ACOT6: variants seen among roughly 807,000 people sequenced by gnomAD.
The protein encoded by ACOT6 is acyl-CoA thioesterase 6, also known as acyl-coenzyme A thioesterase 6.
Under a neutral mutation model 12.3 loss-of-function variants are expected in ACOT6, and 14 were observed. The ratio of observed to expected loss-of-function variants is 1.14; its 90% CI spans 0.75 to 1.78. The LOEUF (loss-of-function observed/expected upper bound fraction) is 1.78, where lower values mean the gene tolerates loss of function less well. ACOT6 is among the 40% of genes most tolerant of loss of function. ACOT6 has a pLI of 0.00. For synonymous variants in ACOT6, 218 were observed against 231.3 expected (o/e 0.94, Z 0.52); for missense variants, 523 against 551.8 (o/e 0.95, Z 0.52).
intron 1 of ACOT6, among the ~76,000 whole-genome samples, chr14:73,613,351 CTTA>C (rs1460780233): frequency 2.0e-5 from 3 of 152,078 alleles, no homozygotes; most frequent in Admixed American, 6.6e-5. Flanking sequence ...GTGCATTCAA[CTTA>C]TTATATATTT....
chr14:73,616,976 G>C lies in ACOT6; in HGVS notation c.462-18G>C, dbSNP rs556862722. 1.2e-5 allele frequency: 8 copies of C among 652,298 alleles called. No individual in the cohort carries two copies. The highest frequency in any genetic ancestry group is 1.9e-5 in the Non-Finnish European group (7 of 365,908). The allele number at this position is 652,298 out of a possible 1,614,324, so 40.4% of individuals were successfully genotyped here. On this transcript the variant is annotated intron_variant, in intron 1 of 2. Coordinates refer to ENST00000645972, the MANE Select transcript of ACOT6 (RefSeq NM_001365788.1). ...GAGAAACTAAAGCTCCCTGTGATTTGTGATGTTCTCCAGGCAGGGGGCCCT... is the reference window on the plus strand; with the variant it reads ...GAGAAACTAAAGCTCCCTGTGATTTCTGATGTTCTCCAGGCAGGGGGCCCT...
upstream of ACOT6, chr14:73,611,108 T>C (rs1890439522): frequency 6.6e-6 from 1 of 152,232 alleles, no homozygotes; most frequent in South Asian, 2.1e-4. Context: ...CTCACTGGAC[T>C]CAGACAAGTT....
In ACOT6 at chr14:73,612,830, G is replaced by A; in HGVS notation, c.259G>A (p.Glu87Lys). Residue 87 changes from glutamate to lysine, a missense_variant, in exon 1 of 3, where the codon GAG becomes AAG. By Grantham distance (56) the Glu-to-Lys change is moderately conservative. This residue lies in a region of ACOT6 where 304 missense variants were observed against 274.8 expected (regional missense o/e 1.11). Coordinates refer to ENST00000645972, the MANE Select transcript of ACOT6 (RefSeq NM_001365788.1). ...PMGLLWALEP[E>K]KALVRLVKRD... ...GGGGCTGCTGTGGGCGTTGGAGCCC[G>A]AGAAAGCCTTGGTGCGGCTGGTGAA... 2.8e-6 allele frequency: 4 copies of A among 1,424,810 alleles called. No individual in the cohort carries two copies. Among genetic ancestry groups the A allele is most frequent in the Non-Finnish European group, 3.7e-6 (4 of 1,073,018 alleles). 88.3% of individuals were successfully genotyped at this position (1,424,810 alleles called of 1,614,324 possible).
rs183570533 is a variant in ACOT6 at position 73,617,196 on chromosome 14, C to A, written c.660+4C>A. ...CTTTATGCTGCAGCATCCAAAGGTG[C>A]GTTCTGGTGATCACCTGAGTGCAGA... On this transcript the variant is annotated splice_donor_region_variant and intron_variant, in intron 2 of 2. Coordinates refer to ENST00000645972, the MANE Select transcript of ACOT6 (RefSeq NM_001365788.1). 1 of 1,614,106 alleles carries A rather than the reference C, an allele frequency of 6.2e-7. No individual in the cohort carries two copies. Among genetic ancestry groups the A allele is most frequent in the Non-Finnish European group, 8.5e-7 (1 of 1,180,018 alleles).
At position 73,617,915 on chromosome 14, in the gene ACOT6, C is replaced by T. The variant is rs8021357; in HGVS notation, c.660+723C>T. Among the ~76,000 whole-genome samples the T allele has an allele frequency of 2.7e-3, 404 of 151,840 alleles. 4 individuals carry two copies. Among genetic ancestry groups the T allele is most frequent in the African/African-American group, 8.5e-3 (351 of 41,358 alleles). On this transcript the variant is annotated intron_variant, in intron 2 of 2. Coordinates refer to ENST00000645972, the MANE Select transcript of ACOT6 (RefSeq NM_001365788.1). ...ATCCCAGTACTTTGGGAGGCCAAGGCGGGCAGATCACCTGAGGTCAGGAGT... is the reference window on the plus strand; with the variant it reads ...ATCCCAGTACTTTGGGAGGCCAAGGTGGGCAGATCACCTGAGGTCAGGAGT...
chr14:73,617,331 G>A, intron 2 of ACOT6, 139 bp downstream of exon 2: 1 of 1,214,192 alleles, frequency 8.2e-7, no homozygotes, highest in East Asian at 2.4e-5. Flanking sequence ...TACTAGGGTG[G>A]AAGCTGGGCA....
At chr14:73,616,695 A>G in intron 1 of ACOT6, 1 of 198,578 alleles carries the variant, frequency 5.0e-6, no homozygotes, top group Non-Finnish European at 1.0e-5. Flanking sequence ...ACTGTCAAAA[A>G]AAAATTTTTT....
chr14:73,617,391 G>T (rs1298410793), intron 2 of ACOT6, among the ~76,000 whole-genome samples, 199 bp downstream of exon 2: 3 of 152,064 alleles, frequency 2.0e-5, no homozygotes, highest in Admixed American at 6.6e-5. Flanking sequence ...GAGGCCGGGG[G>T]ATTGCTTGAC....
intron 1 of ACOT6, among the ~76,000 whole-genome samples, chr14:73,613,481 C>A (rs888875757): frequency 6.6e-6 from 1 of 152,140 alleles, no homozygotes; most frequent in Admixed American, 6.5e-5. Context: ...TCCAAAGAAG[C>A]TAAAATCCAC....
upstream of ACOT6, chr14:73,610,959 C>T (rs1890437396): frequency 6.6e-6 from 1 of 152,232 alleles, no homozygotes; most frequent in African/African-American, 2.4e-5. Flanking sequence ...ACATGAGATT[C>T]CATCACCCAG....
At chr14:73,611,743 T>C (rs1046317334), upstream of ACOT6, 6 of 152,192 alleles carry the variant, frequency 3.9e-5, no homozygotes. Flanking sequence ...TTGCTAAAGA[T>C]CACCAGGTAT....
chr14:73,617,352 C>A, intron 2 of ACOT6, 160 bp downstream of exon 2: 2 of 989,276 alleles, frequency 2.0e-6, no homozygotes, highest in Non-Finnish European at 3.1e-6. Flanking sequence ...TGGTGATGTG[C>A]ACCTGTAGTC....
chr14:73,616,953 G>T, intron 1 of ACOT6, 41 bp from the exon 2 acceptor site: 1 of 607,330 alleles, frequency 1.6e-6, no homozygotes, highest in South Asian at 2.1e-5. Flanking sequence ...TGTCTTTTGA[G>T]AAACTAAAGC....
In ACOT6 at chr14:73,617,125, A is replaced by G. The variant is rs1890553421; in HGVS notation, c.593A>G (p.Glu198Gly). 1.2e-6 allele frequency: 2 copies of G among 1,612,060 alleles called. No homozygotes were observed. The highest frequency in any genetic ancestry group is 1.1e-5 in the South Asian group (1 of 91,030). Reference protein sequence around the residue: ...LAYFRFEDLPEDLNDVHLEYF... With the variant: ...LAYFRFEDLPGDLNDVHLEYF... ...TATTTCAGATTTGAAGACCTCCCCG[A>G]AGATCTGAATGATGTACATCTGGAG... Residue 198 changes from glutamate to glycine, a missense_variant, in exon 2 of 3, where the codon GAA becomes GGA. By Grantham distance (98) the Glu-to-Gly change is moderately conservative (BLOSUM62 -2). Transcript: ENST00000645972.
intron 2 of ACOT6, 116 bp downstream of exon 2, chr14:73,617,308 C>A: frequency 7.0e-7 from 1 of 1,420,592 alleles, no homozygotes; most frequent in South Asian, 1.2e-5. Flanking sequence ...GATACCAAGT[C>A]TCCTTCAAAG....
chr14:73,613,238 C>G (rs1314999573), intron 1 of ACOT6, among the ~76,000 whole-genome samples: 1 of 152,154 alleles, frequency 6.6e-6, no homozygotes, highest in East Asian at 1.9e-4. Flanking sequence ...CTCCTGGGCT[C>G]AAGTCCTCTC....
upstream of ACOT6, chr14:73,611,572 A>C (rs567161228): frequency 6.6e-6 from 1 of 152,282 alleles, no homozygotes; most frequent in South Asian, 2.1e-4. Flanking sequence ...CCCAAAATGG[A>C]CTCTGCCAGT....
At chr14:73,611,669 G>C (rs1169341443), upstream of ACOT6, 1 of 152,258 alleles carries the variant, frequency 6.6e-6, no homozygotes, top group East Asian at 1.9e-4. Context: ...TTACACATTA[G>C]CCCATTTAAT....
upstream of ACOT6, chr14:73,612,370 G>A: frequency 2.4e-6 from 1 of 418,488 alleles, no homozygotes. Flanking sequence ...TATTTCAGCA[G>A]ATACTCTTTC....
Sources: gnomAD v4.1 joint callset for allele counts (sites outside exome capture counted in the v4.1 genomes callset) on GRCh38, gnomAD v4.1.1 for gene constraint, gnomAD v4.1.1 regional missense constraint, MANE v1.5 for transcripts, NCBI Gene and HGNC (gene_info 2026-07-23, HGNC 2026-07-21) for gene names.